The following NPAS3 variants were observed in gnomAD, a reference collection of about 807,000 sequenced individuals.
The protein encoded by NPAS3 is neuronal PAS domain-containing protein 3.
NPAS3 carries 14 observed loss-of-function variants against 73.1 expected under a neutral mutation model. The ratio of observed to expected loss-of-function variants is 0.19; its 90% CI spans 0.13 to 0.30. NPAS3 has a LOEUF of 0.30. NPAS3 is among the 10% of genes least tolerant of loss of function. The probability of loss-of-function intolerance (pLI) is 1.00; values close to 1 mark genes in which losing one functional copy is unlikely to be tolerated. For synonymous variants in NPAS3, 620 were observed against 541.5 expected, an observed-to-expected ratio of 1.14 and a Z score of -2.01; for missense variants, 1,096 against 1,250.0, an observed-to-expected ratio of 0.88 and a Z score of 1.86.
At chr14:33,731,042 C>T (rs2061385294) in intron 6 of NPAS3, among the ~76,000 whole-genome samples, 1 of 151,730 alleles carries the variant, frequency 6.6e-6, no homozygotes, top group South Asian at 2.1e-4. Context: ...TTTCTCAAAA[C>T]TTTTTTTTTC....
intron 3 of NPAS3, among the ~76,000 whole-genome samples, chr14:33,362,966 C>T (rs887790905): frequency 2.6e-5 from 4 of 152,102 alleles, no homozygotes; most frequent in African/African-American, 9.7e-5. Context: ...GCCTGTGGTC[C>T]ACCTTCCCAC....
At chr14:33,597,069 A>G (rs2057264791) in intron 5 of NPAS3, among the ~76,000 whole-genome samples, 1 of 152,236 alleles carries the variant, frequency 6.6e-6, no homozygotes, top group Non-Finnish European at 1.5e-5. Context: ...TCTTGTAAAT[A>G]GGGCCATTCG....
chr14:33,479,695 G>T (rs1381508995), intron 4 of NPAS3, among the ~76,000 whole-genome samples: 1 of 152,150 alleles, frequency 6.6e-6, no homozygotes, highest in African/African-American at 2.4e-5. Context: ...ATCTTAGCAA[G>T]CGCCAATCAA....
At chr14:33,209,631 G>A (rs2046958217) in intron 2 of NPAS3, among the ~76,000 whole-genome samples, 1 of 152,176 alleles carries the variant, frequency 6.6e-6, no homozygotes, top group South Asian at 2.1e-4. Context: ...GAGGCTGCAT[G>A]CCAGATTAAT....
At chr14:33,592,144 C>G (rs2057091243) in intron 5 of NPAS3, among the ~76,000 whole-genome samples, 1 of 152,158 alleles carries the variant, frequency 6.6e-6, no homozygotes, top group Admixed American at 6.5e-5. Context: ...TGGATTAAAT[C>G]AGTGGTATGC....
chr14:33,421,742 T>A (rs1010266233), intron 4 of NPAS3, among the ~76,000 whole-genome samples: 5 of 151,986 alleles, frequency 3.3e-5, no homozygotes, highest in Admixed American at 2.0e-4. Context: ...TTGAACTTAC[T>A]TTTTATAGTC....
chr14:33,475,951 ACT>A (rs2051011896), intron 4 of NPAS3, among the ~76,000 whole-genome samples: 1 of 152,152 alleles, frequency 6.6e-6, no homozygotes, highest in Admixed American at 6.6e-5. Flanking sequence ...TTGAGATGGG[ACT>A]AGAGCCTCAC....
intron 3 of NPAS3, among the ~76,000 whole-genome samples, chr14:33,218,677 C>T (rs2047314018): frequency 6.6e-6 from 1 of 152,130 alleles, no homozygotes; most frequent in Admixed American, 6.6e-5. Context: ...AATGTACTTA[C>T]ATTGTGGTGG....
At chr14:33,184,071 C>A (rs2045898506) in intron 2 of NPAS3, among the ~76,000 whole-genome samples, 1 of 152,130 alleles carries the variant, frequency 6.6e-6, no homozygotes, top group African/African-American at 2.4e-5. Context: ...CATGGCAGTA[C>A]CCTGAGCTAT....
At chr14:33,097,964 C>T (rs1292519946) in intron 2 of NPAS3, among the ~76,000 whole-genome samples, 1 of 152,002 alleles carries the variant, frequency 6.6e-6, no homozygotes, top group East Asian at 1.9e-4. Flanking sequence ...CCATTTCACT[C>T]ATTTAATTGT....
intron 5 of NPAS3, among the ~76,000 whole-genome samples, chr14:33,660,412 G>A (rs2059273416): frequency 6.6e-6 from 1 of 152,160 alleles, no homozygotes; most frequent in African/African-American, 2.4e-5. Flanking sequence ...CTGCAGTTGA[G>A]TCTTCACAAA....
intron 1 of NPAS3, among the ~76,000 whole-genome samples, chr14:32,999,206 G>C (rs1364149527): frequency 6.6e-6 from 1 of 152,058 alleles, no homozygotes; most frequent in Non-Finnish European, 1.5e-5. Flanking sequence ...AATTAGATGG[G>C]TATTATTATA....
chr14:32,993,225 A>G (rs192813046), intron 1 of NPAS3, among the ~76,000 whole-genome samples: 139 of 152,232 alleles, frequency 9.1e-4, no homozygotes, highest in Admixed American at 8.6e-3. Context: ...GTTAAAGTAA[A>G]AATGTCCATG....
intron 5 of NPAS3, among the ~76,000 whole-genome samples, chr14:33,671,138 C>G (rs976607325): frequency 6.6e-6 from 1 of 152,134 alleles, no homozygotes; most frequent in Non-Finnish European, 1.5e-5. Context: ...TACAAGATCA[C>G]TGCCTACTCC....
At chr14:33,754,961 CAGTG>C (rs2062070984) in intron 7 of NPAS3, among the ~76,000 whole-genome samples, 1 of 152,168 alleles carries the variant, frequency 6.6e-6, no homozygotes, top group South Asian at 2.1e-4. Flanking sequence ...TAGATAGGGA[CAGTG>C]AGAGTTAGCC....
chr14:33,209,339 T>C (rs2046946117), intron 2 of NPAS3, among the ~76,000 whole-genome samples: 1 of 152,174 alleles, frequency 6.6e-6, no homozygotes, highest in Admixed American at 6.6e-5. Context: ...GACTTTGAGC[T>C]CTATGTAATG....
intron 4 of NPAS3, among the ~76,000 whole-genome samples, chr14:33,483,890 C>CT (rs1299186364): frequency 6.6e-6 from 1 of 152,156 alleles, no homozygotes; most frequent in Non-Finnish European, 1.5e-5. Context: ...GCCTTTCCCC[C>CT]TAAAACAGCC....
At chr14:33,353,905 G>A (rs2045203274) in intron 3 of NPAS3, among the ~76,000 whole-genome samples, 1 of 152,128 alleles carries the variant, frequency 6.6e-6, no homozygotes, top group South Asian at 2.1e-4. Flanking sequence ...TCTGGATGTG[G>A]ATTATAGATC....
chr14:32,938,469 G>A (rs1374803026), upstream of NPAS3, among the ~76,000 whole-genome samples: 2 of 124,568 alleles, frequency 1.6e-5, no homozygotes, highest in African/African-American at 6.0e-5. Flanking sequence ...GAGAGAGAGA[G>A]AGAGAGAGAG....
Sources: allele counts gnomAD v4.1 joint callset (sites outside exome capture counted in the v4.1 genomes callset), GRCh38; gene constraint gnomAD v4.1.1; transcripts MANE v1.5; gene names NCBI Gene and HGNC (gene_info 2026-07-23, HGNC 2026-07-21).